TPO: variants seen among roughly 807,000 people sequenced by gnomAD.
TPO encodes thyroid peroxidase, also known as thyroid microsomal antigen.
A neutral mutation model predicts 96.9 loss-of-function variants in TPO; 78 were observed. The ratio of observed to expected loss-of-function variants is 0.81; its 90% CI spans 0.67 to 0.97. TPO has a LOEUF of 0.97. Ranked by LOEUF, TPO falls within the 50% of genes least tolerant of loss-of-function variation. TPO has a pLI of 0.00. For synonymous variants in TPO, 547 were observed against 538.0 expected, an observed-to-expected ratio of 1.02 and a Z score of -0.23; for missense variants, 1,252 against 1,274.8, an observed-to-expected ratio of 0.98 and a Z score of 0.27.
At chr2:1,501,390 C>T (rs1340222819) in intron 13 of TPO, among the ~76,000 whole-genome samples, 4 of 152,212 alleles carry the variant, frequency 2.6e-5, no homozygotes, top group South Asian at 2.1e-4. Flanking sequence ...CTGTCGGGAG[C>T]GCTGCTCTTC....
At chr2:1,374,149 C>T (rs539024529), upstream of TPO, 3 of 152,358 alleles carry the variant, frequency 2.0e-5, no homozygotes, top group Non-Finnish European at 2.9e-5. Context: ...CAGCCATGGT[C>T]TCCTCTTCAC....
At chr2:1,504,705 G>A (rs1673229025) in intron 14 of TPO, among the ~76,000 whole-genome samples, 1 of 152,206 alleles carries the variant, frequency 6.6e-6, no homozygotes, top group African/African-American at 2.4e-5. Context: ...TCTTAGGTAA[G>A]CACTATCTTT....
chr2:1,386,078 C>T lies in TPO; in HGVS notation n.180+11676C>T, dbSNP rs183879989. Reference sequence around the variant, plus strand: ...TTTGATTTCACTATGGTCTGAGAGACAGTTTATTATAATTTCTGTTCTTTT... The same window carrying T: ...TTTGATTTCACTATGGTCTGAGAGATAGTTTATTATAATTTCTGTTCTTTT... On this transcript the variant is annotated intron_variant and non_coding_transcript_variant, in intron 1 of 5. Transcript: ENST00000497517. 3.8e-3 allele frequency among the ~76,000 whole-genome samples: 584 copies of T among 152,202 alleles called. 1 individual carries two copies. Among genetic ancestry groups the T allele is most frequent in the African/African-American group, 0.013 (553 of 41,534 alleles).
Position 1,536,949 on chromosome 2 carries a change from T to G in TPO, c.2619-3645T>G, listed in dbSNP as rs62118381. Among the ~76,000 whole-genome samples, 148 of 48,132 alleles carry G rather than the reference T, an allele frequency of 3.1e-3. 1 individual carries two copies. The highest frequency in any genetic ancestry group is 0.013 in the African/African-American group (135 of 10,618). The allele number at this position is 48,132 out of a possible 152,430, so 31.6% of individuals were successfully genotyped here. A position where few individuals can be genotyped will look rare whatever the true frequency, so the allele number is the denominator to read the frequency against. ...AATCCCCCCCAATGTGAGCAACCTC[T>G]CAAATCCCCCTGTGTGCAACCCCCC... On this transcript the variant is annotated intron_variant, in intron 15 of 16. Coordinates refer to ENST00000329066, the MANE Select transcript of TPO (RefSeq NM_001206744.2).
chr2:1,512,334 T>C (rs1225870811), intron 14 of TPO: 1 of 940,570 alleles, frequency 1.1e-6, no homozygotes, highest in Non-Finnish European at 1.3e-6. Flanking sequence ...TCCCTCCCAG[T>C]GCTACCTCTT....
intron 16 of TPO, chr2:1,541,271 G>C: frequency 1.0e-6 from 1 of 983,480 alleles, no homozygotes; most frequent in Non-Finnish European, 1.2e-6. Flanking sequence ...CAAAGTCTCA[G>C]GCAGGAGGAG....
intron 7 of TPO, among the ~76,000 whole-genome samples, chr2:1,462,699 G>C (rs1008274984): frequency 1.3e-5 from 2 of 152,164 alleles, no homozygotes; most frequent in African/African-American, 4.8e-5. Flanking sequence ...ATACATTCGG[G>C]ACACGATGTG....
rs1011749952 is a variant in TPO, at chr2:1,542,764, T to C, written c.*290T>C. The C allele has an allele frequency of 6.6e-6, 5 of 754,426 alleles. No homozygotes were observed. The African/African-American group carries it at 8.8e-5, about 13-fold the overall frequency. The allele number at this position is 754,426 out of a possible 1,614,324, so 46.7% of individuals were successfully genotyped here. A position where few individuals can be genotyped will look rare whatever the true frequency, so the allele number is the denominator to read the frequency against. On this transcript the variant is annotated 3_prime_UTR_variant, in exon 17 of 17. Transcript: ENST00000329066. ...TTTGTGAACCCTGGAAACACCACTCTTGCAATCCTCCTGTCTCCACCTTCT... is the reference window on the plus strand; with the variant it reads ...TTTGTGAACCCTGGAAACACCACTCCTGCAATCCTCCTGTCTCCACCTTCT...
At chr2:1,531,367 T>C (rs1314869644) in intron 15 of TPO, among the ~76,000 whole-genome samples, 9 of 30,312 alleles carry the variant, frequency 3.0e-4, no homozygotes, top group Middle Eastern at 0.026. Flanking sequence ...CCCCAAATCC[T>C]CCCGACTCTG....
rs1126797 is a variant in TPO at position 1,494,031 on chromosome 2, C to A, written c.1998C>A (p.Asp666Glu). Residue 666 changes from aspartate to glutamate, a missense_variant, in exon 11 of 17, where the codon GAC (aspartate) becomes GAA (glutamate). Asp to Glu is a conservative substitution (Grantham distance 45, BLOSUM62 2). Coordinates refer to ENST00000329066, the MANE Select transcript of TPO (RefSeq NM_001206744.2). ...GGAAGCAGATGAAGGCTCTGCGGGA[C>A]GGTGACTGGTACGTTCCTATCCAGA... Reference protein sequence around the residue: ...LIGKQMKALRDGDWFWWENSH... With the variant: ...LIGKQMKALREGDWFWWENSH... 6.2e-7 allele frequency: 1 copy of A among 1,613,656 alleles called. No homozygotes were observed. Among genetic ancestry groups the A allele is most frequent in the Non-Finnish European group, 8.5e-7 (1 of 1,179,862 alleles).
upstream of TPO, among the ~76,000 whole-genome samples, chr2:1,409,368 C>T (rs1363563542): frequency 6.6e-6 from 1 of 152,150 alleles, no homozygotes; most frequent in African/African-American, 2.4e-5. Context: ...GGGAAATTAC[C>T]TACCTGAGTT....
intron 10 of TPO, among the ~76,000 whole-genome samples, chr2:1,488,529 C>CCTCCCTGACCTGCCCAGTTTCCAA (rs1171127660): frequency 6.6e-6 from 1 of 152,170 alleles, no homozygotes; most frequent in Non-Finnish European, 1.5e-5. Flanking sequence ...CCGGCAGCCT[C>CCTCCCTGACCTGCCCAGTTTCCAA]CTCCCTGACC....
intron 1 of TPO, among the ~76,000 whole-genome samples, chr2:1,396,159 A>G (rs1287088580): frequency 6.6e-6 from 1 of 152,330 alleles, no homozygotes; most frequent in South Asian, 2.1e-4. Flanking sequence ...AAGGGCAGAC[A>G]CCAAGGCTGG....
chr2:1,414,358 G>T, intron 1 of TPO, 50 bp from the exon 2 acceptor site: 7 of 1,560,684 alleles, frequency 4.5e-6, no homozygotes, highest in Non-Finnish European at 6.1e-6. Flanking sequence ...CGGTTCCCAT[G>T]GCCTTGTCAG....
intron 8 of TPO, among the ~76,000 whole-genome samples, chr2:1,479,848 C>A (rs943133559): frequency 2.0e-5 from 3 of 151,952 alleles, no homozygotes; most frequent in Non-Finnish European, 4.4e-5. Context: ...GTGGTGAGAC[C>A]TTGGCTCACT....
chr2:1,496,938 C>T (rs138600652), intron 13 of TPO, among the ~76,000 whole-genome samples, 173 bp downstream of exon 13: 1 of 152,280 alleles, frequency 6.6e-6, no homozygotes, highest in East Asian at 1.9e-4. Flanking sequence ...GCCATGTTCC[C>T]AGCTGGCCTT....
At chr2:1,422,582 C>A (rs1466844512) in intron 2 of TPO, among the ~76,000 whole-genome samples, 2 of 152,244 alleles carry the variant, frequency 1.3e-5, no homozygotes, top group African/African-American at 2.4e-5. Context: ...CGGTGATACC[C>A]AGAAATGGGA....
Position 1,503,955 on chromosome 2 carries a change from C to G in TPO, c.2394C>G (p.Asn798Lys). 1 of 1,614,122 alleles carries G rather than the reference C, an allele frequency of 6.2e-7. No individual in the cohort carries two copies. Among genetic ancestry groups the G allele is most frequent in the South Asian group, 1.1e-5 (1 of 91,082 alleles). ...DFQPPLCKDVNECADGAHPPC... is the reference protein window; with the variant it reads ...DFQPPLCKDVKECADGAHPPC... ...GCCTTGTGTGTCTGGCAGATGTGAA[C>G]GAGTGTGCAGACGGTGCCCACCCCC... Residue 798 changes from asparagine to lysine, a missense_variant, in exon 14 of 17, where the codon AAC (asparagine) becomes AAG (lysine). By Grantham distance (94) the Asn-to-Lys change is moderately conservative. Transcript: ENST00000329066.
chr2:1,469,554 AG>A (rs1162294596), intron 7 of TPO, among the ~76,000 whole-genome samples: 1 of 152,160 alleles, frequency 6.6e-6, no homozygotes, highest in Admixed American at 6.5e-5. Flanking sequence ...GGCCTTTTAC[AG>A]GTGCCTCTGG....
Sources: gnomAD v4.1 joint callset for allele counts (sites outside exome capture counted in the v4.1 genomes callset) on GRCh38, gnomAD v4.1.1 for gene constraint, MANE v1.5 for transcripts, NCBI Gene and HGNC (gene_info 2026-07-23, HGNC 2026-07-21) for gene names.